The following ZNF248 variants were observed in gnomAD, a reference collection of about 807,000 sequenced individuals.
ZNF248 encodes the protein zinc finger protein 248.
ZNF248 carries 20 observed loss-of-function variants against 44.3 expected under a neutral mutation model. That is an observed-to-expected ratio of 0.45 (90% CI 0.32 to 0.66). The LOEUF (loss-of-function observed/expected upper bound fraction) is 0.66. ZNF248 is among the 30% of genes least tolerant of loss of function. ZNF248 has a pLI of 0.04. For missense variants in ZNF248, 654 were observed against 677.0 expected, an observed-to-expected ratio of 0.97 and a Z score of 0.38; for synonymous variants, 224 against 229.0, an observed-to-expected ratio of 0.98 and a Z score of 0.20.
rs1402990932 is a variant in ZNF248, at chr10:37,837,520, A to G, written c.238+97T>C. ...TCCAAAGGTCTGGGGCTAAAAAGAGACATTTGTGAAAAATATTCCAAAGGT... is the reference window on the plus strand; with the variant it reads ...TCCAAAGGTCTGGGGCTAAAAAGAGGCATTTGTGAAAAATATTCCAAAGGT... On this transcript the variant is annotated intron_variant, in intron 5 of 5. Transcript: ENST00000395867. The G allele has an allele frequency of 9.2e-6, 9 of 982,540 alleles. No individual in the cohort carries two copies. The African/African-American group carries it at 1.1e-4, about 13-fold the overall frequency. 60.9% of individuals were successfully genotyped at this position (982,540 alleles called of 1,614,324 possible).
At chr10:37,788,976 A>C (rs1262252671) in intron 6 of ZNF248, among the ~76,000 whole-genome samples, 1 of 151,812 alleles carries the variant, frequency 6.6e-6, no homozygotes. Flanking sequence ...GGTTCAAGCG[A>C]TTCTCCCACC....
chr10:37,768,462 G>C, the ZNF248 span, among the ~76,000 whole-genome samples: 1 of 152,158 alleles, frequency 6.6e-6, no homozygotes, highest in Non-Finnish European at 1.5e-5. Flanking sequence ...TCAGGACTAA[G>C]AAACTCACTC....
chr10:37,829,573 T>C lies in ZNF248; in HGVS notation c.*2042A>G, dbSNP rs1033896612. Reference sequence around the variant, plus strand: ...CCTAAGACCAAATAAAAAACAGTTATTGAGGGTTATAAAAAGTCCCAGTAG... The same window carrying C: ...CCTAAGACCAAATAAAAAACAGTTACTGAGGGTTATAAAAAGTCCCAGTAG... On this transcript the variant is annotated 3_prime_UTR_variant, in exon 6 of 6. Coordinates refer to ENST00000395867, the MANE Select transcript of ZNF248 (RefSeq NM_021045.3). The C allele has an allele frequency of 1.0e-6, 1 of 985,232 alleles. No homozygotes were observed. Among genetic ancestry groups the C allele is most frequent in the Non-Finnish European group, 1.2e-6 (1 of 829,934 alleles). The allele number at this position is 985,232 out of a possible 1,614,324, so 61.0% of individuals were successfully genotyped here.
At chr10:37,790,506 T>C (rs770923835) in intron 6 of ZNF248, among the ~76,000 whole-genome samples, 9 of 151,644 alleles carry the variant, frequency 5.9e-5, no homozygotes, top group Non-Finnish European at 1.2e-4. Context: ...GGTCAAGAGA[T>C]CGAGACCATC....
chr10:37,843,351 G>C (rs1288986258), intron 3 of ZNF248, among the ~76,000 whole-genome samples: 1 of 151,686 alleles, frequency 6.6e-6, no homozygotes, highest in African/African-American at 2.4e-5. Flanking sequence ...CTTGAACCCG[G>C]GAGGCAGAGG....
intron 3 of ZNF248, among the ~76,000 whole-genome samples, chr10:37,851,260 T>C (rs549384696): frequency 1.3e-5 from 2 of 152,298 alleles, no homozygotes; most frequent in Admixed American, 1.3e-4. Context: ...AAAGGTATCC[T>C]TGCCTCCCCA....
At chr10:37,771,907 T>C (rs1242110697), downstream of ZNF248, among the ~76,000 whole-genome samples, 7 of 152,012 alleles carry the variant, frequency 4.6e-5, no homozygotes, top group Non-Finnish European at 8.8e-5. Context: ...TCACAAAGCA[T>C]GTAATTGTGT....
At chr10:37,848,399 A>G (rs992872585) in intron 3 of ZNF248, among the ~76,000 whole-genome samples, 3 of 152,002 alleles carry the variant, frequency 2.0e-5, no homozygotes, top group Non-Finnish European at 2.9e-5. Context: ...GCCTGGCAAC[A>G]TGGGGAAACC....
At chr10:37,764,960 C>G in the ZNF248 span, among the ~76,000 whole-genome samples, 4 of 141,542 alleles carry the variant, frequency 2.8e-5, no homozygotes, top group African/African-American at 1.1e-4. Context: ...ACTTTTTGAG[C>G]CTTTTTTTTT....
chr10:37,815,508 A>G (rs2052298324), intron 6 of ZNF248, among the ~76,000 whole-genome samples: 1 of 151,866 alleles, frequency 6.6e-6, no homozygotes, highest in Non-Finnish European at 1.5e-5. Context: ...CTCTATCTTT[A>G]TTGATGTTTC....
At chr10:37,776,288 T>C (rs970642962), downstream of ZNF248, 10 of 310,882 alleles carry the variant, frequency 3.2e-5, no homozygotes, top group African/African-American at 1.7e-4. Context: ...CTCAGTCCAG[T>C]CACATATCTT....
intron 6 of ZNF248, among the ~76,000 whole-genome samples, chr10:37,777,063 C>T (rs1564448242): frequency 3.9e-5 from 6 of 152,138 alleles, no homozygotes; most frequent in Admixed American, 2.6e-4. Context: ...CAGAACCACT[C>T]CGCATGGCAC....
At position 37,778,468 on chromosome 10, in the gene ZNF248, T is replaced by C. The variant is rs199657960; in HGVS notation, c.331-1893A>G. Among the ~76,000 whole-genome samples, 36 of 151,986 alleles carry C rather than the reference T, an allele frequency of 2.4e-4. 1 individual carries two copies. In the East Asian group the frequency reaches 6.8e-3, roughly 29 times the overall value. ...GTCAGATGAGTAGGTTGCGAAAATT[T>C]TCTCCCATTTTGTAGGTTGCCTGTT... On this transcript the variant is annotated intron_variant, in intron 6 of 6. Coordinates refer to the ZNF248 transcript ENST00000615949.
chr10:37,760,661 C>T, the ZNF248 span, among the ~76,000 whole-genome samples: 1 of 152,068 alleles, frequency 6.6e-6, no homozygotes, highest in African/African-American at 2.4e-5. Context: ...TGGTGAAACC[C>T]CGTTTCTACT....
chr10:37,824,370 C>A (rs1401303190), downstream of ZNF248, among the ~76,000 whole-genome samples: 2 of 152,082 alleles, frequency 1.3e-5, no homozygotes, highest in African/African-American at 4.8e-5. Context: ...CACAGATATA[C>A]CGAGAAGAAT....
At chr10:37,768,722 A>T in the ZNF248 span, among the ~76,000 whole-genome samples, 2 of 152,240 alleles carry the variant, frequency 1.3e-5, no homozygotes, top group African/African-American at 4.8e-5. Flanking sequence ...CTAGAAAAGC[A>T]AGAGCAAACA....
At chr10:37,777,225 C>A (rs936198940) in intron 6 of ZNF248, among the ~76,000 whole-genome samples, 2 of 152,122 alleles carry the variant, frequency 1.3e-5, no homozygotes, top group African/African-American at 2.4e-5. Flanking sequence ...TTGCCTTGAA[C>A]CTTTGAAGTG....
At chr10:37,796,895 T>C (rs2049225967) in intron 6 of ZNF248, among the ~76,000 whole-genome samples, 1 of 152,066 alleles carries the variant, frequency 6.6e-6, no homozygotes, top group Non-Finnish European at 1.5e-5. Context: ...GGCAGTTATA[T>C]AGCAGAATTA....
At chr10:37,794,953 G>T (rs2048976117) in intron 6 of ZNF248, 1 of 153,200 alleles carries the variant, frequency 6.5e-6, no homozygotes, top group Non-Finnish European at 1.5e-5. Flanking sequence ...TGTGAGATAA[G>T]ACTTTTTGTT....
Sources: allele counts gnomAD v4.1 joint callset (sites outside exome capture counted in the v4.1 genomes callset), GRCh38; gene constraint gnomAD v4.1.1; transcripts MANE v1.5; gene names NCBI Gene and HGNC (gene_info 2026-07-23, HGNC 2026-07-21).